EZH1: variants seen among roughly 807,000 people sequenced by gnomAD.
EZH1 encodes the protein histone-lysine N-methyltransferase EZH1.
In EZH1, 33 loss-of-function variants were observed where a neutral mutation model predicts 100.5. The ratio of observed to expected loss-of-function variants is 0.33; its 90% confidence interval spans 0.25 to 0.44. The LOEUF (loss-of-function observed/expected upper bound fraction) is 0.44. Ranked by LOEUF, EZH1 falls within the 20% of genes least tolerant of loss-of-function variation. The pLI is 1.00. For missense variants in EZH1, 475 were observed against 928.4 expected, an observed-to-expected ratio of 0.51 and a Z score of 6.35; for synonymous variants, 272 against 313.8, an observed-to-expected ratio of 0.87 and a Z score of 1.41.
intron 6 of EZH1, among the ~76,000 whole-genome samples, chr17:42,720,701 C>A (rs2053688738): frequency 6.6e-6 from 1 of 151,932 alleles, no homozygotes; most frequent in African/African-American, 2.4e-5. Context: ...GCCTTATTGC[C>A]CAGGCTGGAG....
chr17:42,702,937 C>T lies in EZH1; in HGVS notation c.2123G>A (p.Arg708Gln), dbSNP rs2053274654. The change falls in exon 20 of 21, where the codon CGG becomes CAG. Residue 708 changes from arginine to glutamine, a missense_variant. Transcript: ENST00000428826. ...TGCCCTCTTGGCAAAGATCCCAATC[C>T]GATGGTCTCCATTCACCATGACCAC... ...AKVVMVNGDHRIGIFAKRAIQ... is the reference protein window; with the variant it reads ...AKVVMVNGDHQIGIFAKRAIQ... 1.2e-6 allele frequency: 2 copies of T among 1,614,058 alleles called. No homozygotes were observed. The highest frequency in any genetic ancestry group is 1.7e-6 in the Non-Finnish European group (2 of 1,180,030).
At chr17:42,714,499 C>T in intron 10 of EZH1, 2 of 285,860 alleles carry the variant, frequency 7.0e-6, no homozygotes, top group Admixed American at 3.3e-5. Context: ...TGAGATTGTC[C>T]AAAACAAAAA....
intron 4 of EZH1, among the ~76,000 whole-genome samples, chr17:42,725,920 C>G (rs2053810124): frequency 6.6e-6 from 1 of 152,158 alleles, no homozygotes; most frequent in African/African-American, 2.4e-5. Context: ...ACTCTGTCGC[C>G]CAGGCTGGAG....
At chr17:42,710,065 G>A in intron 12 of EZH1, 128 bp from the exon 13 acceptor site, 1 of 720,338 alleles carries the variant, frequency 1.4e-6, no homozygotes, top group Non-Finnish European at 2.4e-6. Context: ...CATCAGTCAG[G>A]GAGAGACAGA....
At chr17:42,717,139 C>T (rs2053621385) in intron 10 of EZH1, among the ~76,000 whole-genome samples, 1 of 152,134 alleles carries the variant, frequency 6.6e-6, no homozygotes, top group African/African-American at 2.4e-5. Flanking sequence ...TACCTCATGA[C>T]ACTGTTATAG....
At chr17:42,723,469 T>C (rs143692395) in intron 5 of EZH1, among the ~76,000 whole-genome samples, 4 of 152,048 alleles carry the variant, frequency 2.6e-5, no homozygotes, top group African/African-American at 9.6e-5. Flanking sequence ...CAAAATAAAC[T>C]GGGCAATCAT....
rs143271664 is a variant in EZH1 at position 42,704,199 on chromosome 17, C to T, written c.2018-379G>A. On this transcript the variant is annotated intron_variant, in intron 18 of 20. Transcript: ENST00000428826. Reference sequence around the variant, plus strand: ...TGCTCTATGCATCTGCTGGAAGATTCGGAGCTGATCTAAACTTGGACTACA... The same window carrying T: ...TGCTCTATGCATCTGCTGGAAGATTTGGAGCTGATCTAAACTTGGACTACA... Among the ~76,000 whole-genome samples the T allele has an allele frequency of 2.6e-5, 4 of 152,082 alleles. No homozygotes were observed. In the East Asian group the frequency reaches 7.7e-4, roughly 29 times the overall value.
chr17:42,731,067 T>G (rs1597858678), intron 1 of EZH1, 149 bp from the exon 2 acceptor site: 1 of 162,712 alleles, frequency 6.1e-6, no homozygotes, highest in South Asian at 2.0e-4. Flanking sequence ...CCTATAATAC[T>G]TGATGCCATT....
chr17:42,723,060 T>C lies in EZH1; in HGVS notation c.367-145A>G, dbSNP rs867233779. 20 of 1,273,314 alleles carry C rather than the reference T, an allele frequency of 1.6e-5. No homozygotes were observed. In the Middle Eastern group the frequency reaches 1.3e-3, roughly 84 times the overall value. The allele number at this position is 1,273,314 out of a possible 1,614,324, so 78.9% of individuals were successfully genotyped here. On this transcript the variant is annotated intron_variant, in intron 5 of 20. Coordinates refer to ENST00000428826, the MANE Select transcript of EZH1 (RefSeq NM_001991.5). ...CCAGAGTTTCCTGCATTTTAAACAC[T>C]GGCCATTTTGTTTGGCCAAAAAAAC...
intron 3 of EZH1, 83 bp from the exon 4 acceptor site, chr17:42,727,846 C>G (rs1408458729): frequency 2.9e-6 from 3 of 1,041,924 alleles, no homozygotes; most frequent in African/African-American, 1.7e-5. Context: ...TGGAGTCTTG[C>G]TCTGTTGTCA....
chr17:42,707,240 T>TA (rs966633602), intron 15 of EZH1, among the ~76,000 whole-genome samples: 84 of 141,772 alleles, frequency 5.9e-4, no homozygotes, highest in Admixed American at 8.5e-4. Context: ...GGCTGTAACT[T>TA]AAAAAAAAAA....
intron 18 of EZH1, among the ~76,000 whole-genome samples, chr17:42,704,090 T>C (rs1344915860): frequency 6.6e-6 from 1 of 152,130 alleles, no homozygotes. Flanking sequence ...AGCACTCCTA[T>C]TACAAACAGA....
chr17:42,706,133 T>C lies in EZH1; in HGVS notation c.1713A>G (p.Gln571=). The C allele has an allele frequency of 6.2e-7, 1 of 1,614,060 alleles. No homozygotes were observed. Among genetic ancestry groups the C allele is most frequent in the Non-Finnish European group, 8.5e-7 (1 of 1,179,974 alleles). ...CRCKTQCNTK[Q]CPCYLAVREC... ...CTCGCACTGCCAGATAGCAAGGACATTGCTTGGTATTGCACTGGGTCTTAC... is the reference window on the plus strand; with the variant it reads ...CTCGCACTGCCAGATAGCAAGGACACTGCTTGGTATTGCACTGGGTCTTAC... The change falls in exon 16 of 21, where the codon CAA becomes CAG. Residue 571 remains glutamine, a synonymous_variant. Coordinates refer to ENST00000428826, the MANE Select transcript of EZH1 (RefSeq NM_001991.5). The surrounding 1 kb of genome is among the most constrained non-coding windows in gnomAD (Gnocchi z 4.4).
rs962611522 is a variant in EZH1 at position 42,744,991 on chromosome 17, A to C, written c.-103+20T>G. On this transcript the variant is annotated intron_variant, in intron 1 of 20. Coordinates refer to ENST00000428826, the MANE Select transcript of EZH1 (RefSeq NM_001991.5). ...GAGGCCCGGCCCCACCGCCCGGCCC[A>C]GGCTTGTTTACTCACTCACCCTCCA... 31 of 1,272,560 alleles carry C rather than the reference A, an allele frequency of 2.4e-5. No homozygotes were observed. The highest frequency in any genetic ancestry group is 3.1e-5 in the Non-Finnish European group (30 of 982,180). 78.8% of individuals were successfully genotyped at this position (1,272,560 alleles called of 1,614,324 possible).
intron 1 of EZH1, among the ~76,000 whole-genome samples, chr17:42,732,700 CGGA>C (rs995349763): frequency 6.6e-6 from 1 of 152,110 alleles, no homozygotes; most frequent in African/African-American, 2.4e-5. Flanking sequence ...CCCCAGGGGG[CGGA>C]GCCTGCAGTG....
At chr17:42,739,043 A>C (rs1439602970) in intron 1 of EZH1, among the ~76,000 whole-genome samples, 1 of 152,148 alleles carries the variant, frequency 6.6e-6, no homozygotes, top group Admixed American at 6.5e-5. Flanking sequence ...GGCGTGAGCT[A>C]CCACGCCTGG....
chr17:42,719,017 A>G (rs1567994071), intron 8 of EZH1, 88 bp downstream of exon 8: 2 of 993,924 alleles, frequency 2.0e-6, no homozygotes, highest in East Asian at 4.8e-5. Flanking sequence ...TACCATAAAC[A>G]AAGCTTTTTA....
At chr17:42,713,099 A>G in intron 11 of EZH1, 110 bp downstream of exon 11, 1 of 959,960 alleles carries the variant, frequency 1.0e-6, no homozygotes, top group Non-Finnish European at 1.5e-6. Flanking sequence ...AACTTGTAGA[A>G]AGAATTTATA....
intron 10 of EZH1, chr17:42,714,632 C>G: frequency 3.4e-6 from 1 of 294,474 alleles, no homozygotes; most frequent in South Asian, 3.5e-5. Context: ...CAAGCAGAGT[C>G]AGAAAGCTCA....
Sources: gnomAD v4.1 joint callset for allele counts (sites outside exome capture counted in the v4.1 genomes callset) on GRCh38, gnomAD v4.1.1 for gene constraint, Gnocchi (gnomAD v3.1) non-coding constraint, MANE v1.5 for transcripts, NCBI Gene and HGNC (gene_info 2026-07-23, HGNC 2026-07-21) for gene names.